Variants in ATE1 observed in about 807,000 individuals in gnomAD.
ATE1 encodes the protein arginyltransferase 1.
ATE1 carries 36 observed loss-of-function variants against 70.5 expected under a neutral mutation model. That is an observed-to-expected ratio of 0.51 (90% CI 0.39 to 0.67). The LOEUF (loss-of-function observed/expected upper bound fraction) is 0.67, where lower values mean the gene tolerates loss of function less well. Ranked by LOEUF, ATE1 falls within the 30% of genes least tolerant of loss-of-function variation. ATE1 has a pLI of 0.00. For synonymous variants in ATE1, 232 were observed against 219.3 expected (o/e 1.06, Z -0.51); for missense variants, 593 against 629.5 (o/e 0.94, Z 0.62).
intron 7 of ATE1, among the ~76,000 whole-genome samples, chr10:121,885,178 T>C (rs1281689486): frequency 6.7e-6 from 1 of 148,726 alleles, no homozygotes; most frequent in Non-Finnish European, 1.5e-5. Context: ...CAAGAATTGC[T>C]TGAACCTGGG....
In ATE1 at chr10:121,819,207, C is replaced by T. The variant is rs190298792; in HGVS notation, c.1257+17511G>A. 7.2e-5 allele frequency among the ~76,000 whole-genome samples: 11 copies of T among 152,238 alleles called. No homozygotes were observed. The East Asian group carries it at 1.5e-3, about 21-fold the overall frequency. On this transcript the variant is annotated intron_variant, in intron 10 of 11. Transcript: ENST00000224652. ...GGATAAGAATGTGATCATAAATCAA[C>T]GAATATCATTCTCTTGGAATGGAAT...
chr10:121,794,635 G>A (rs1236965593), intron 10 of ATE1, among the ~76,000 whole-genome samples: 25 of 79,252 alleles, frequency 3.2e-4, no homozygotes, highest in Non-Finnish European at 4.8e-4. Context: ...AAAAAAAAAG[G>A]AGAAGAGAAT....
chr10:121,863,849 A>T (rs1247825954), intron 8 of ATE1, among the ~76,000 whole-genome samples: 1 of 152,080 alleles, frequency 6.6e-6, no homozygotes, highest in African/African-American at 2.4e-5. Context: ...CCTGGGTTCA[A>T]CTGATCCTCC....
intron 8 of ATE1, among the ~76,000 whole-genome samples, chr10:121,861,699 C>G (rs904021500): frequency 1.4e-5 from 2 of 147,702 alleles, no homozygotes; most frequent in Non-Finnish European, 3.0e-5. Flanking sequence ...TGTATACATA[C>G]GTAACTAACC....
intron 7 of ATE1, among the ~76,000 whole-genome samples, chr10:121,871,183 G>A (rs1027615496): frequency 6.6e-6 from 1 of 152,212 alleles, no homozygotes; most frequent in Non-Finnish European, 1.5e-5. Context: ...AGCTGGGCGT[G>A]GTGGCTCACG....
intron 1 of ATE1, among the ~76,000 whole-genome samples, chr10:121,925,214 A>C (rs920056465): frequency 6.0e-4 from 91 of 152,306 alleles, no homozygotes; most frequent in African/African-American, 1.9e-3. Flanking sequence ...TGAGGTCAGG[A>C]GTTTGAGACC....
Position 121,915,411 on chromosome 10 carries a change from A to G in ATE1, c.234-1518T>C, listed in dbSNP as rs1461295685. 2.6e-5 allele frequency among the ~76,000 whole-genome samples: 4 copies of G among 152,162 alleles called. No homozygotes were observed. The East Asian group carries it at 7.7e-4, about 29-fold the overall frequency. On this transcript the variant is annotated intron_variant, in intron 3 of 11. Coordinates refer to ENST00000224652, the MANE Select transcript of ATE1 (RefSeq NM_001001976.3). ...AGTTTAAAAGGTCCAAAATCTAAAT[A>G]AAGGCATTAAAAAAGAAAATGGAGG...
chr10:121,913,659 C>T (rs2134465366), intron 4 of ATE1, 131 bp downstream of exon 4: 1 of 547,614 alleles, frequency 1.8e-6, no homozygotes, highest in African/African-American at 1.9e-5. Flanking sequence ...GCAGTGCTAA[C>T]AGTAGTCGCT....
chr10:121,872,030 A>G (rs1949879220), intron 7 of ATE1, among the ~76,000 whole-genome samples: 1 of 152,196 alleles, frequency 6.6e-6, no homozygotes, highest in Non-Finnish European at 1.5e-5. Flanking sequence ...AACAGTGGAG[A>G]AAAATGAGGC....
chr10:121,788,292 C>T lies in ATE1; in HGVS notation c.1378+1877G>A, dbSNP rs11200154. 0.022 allele frequency among the ~76,000 whole-genome samples: 3,291 copies of T among 152,216 alleles called. 187 individuals carry two copies. The East Asian group carries it at 0.25, about 12-fold the overall frequency. On this transcript the variant is annotated intron_variant, in intron 11 of 11. Coordinates refer to ENST00000224652, the MANE Select transcript of ATE1 (RefSeq NM_001001976.3). ...AGGTGTAACTTTACTCAGAATGAAA[C>T]GATCAGACGCTGGCTAATAATTTCA...
intron 10 of ATE1, among the ~76,000 whole-genome samples, chr10:121,825,824 T>C (rs1255195824): frequency 6.6e-6 from 1 of 152,156 alleles, no homozygotes; most frequent in Non-Finnish European, 1.5e-5. Context: ...CAATTCCACT[T>C]ACGGGTATAC....
chr10:121,760,625 T>C (rs1945001023), intron 11 of ATE1, among the ~76,000 whole-genome samples: 1 of 152,194 alleles, frequency 6.6e-6, no homozygotes, highest in African/African-American at 2.4e-5. Context: ...AAGAAAGTGA[T>C]TGCTTGAGAC....
chr10:121,808,839 T>C (rs570802095), intron 10 of ATE1, among the ~76,000 whole-genome samples: 15 of 152,316 alleles, frequency 9.8e-5, no homozygotes, highest in African/African-American at 3.1e-4. Flanking sequence ...ACTAGCAGTT[T>C]CCACAAGTAA....
Position 121,798,326 on chromosome 10 carries a change from C to T in ATE1, c.1258-8037G>A, listed in dbSNP as rs181787781. The stretch of plus-strand genomic sequence containing the variant: ...ACTCAAGAAGGTTAGAAACTACTGG[C>T]TCATGTCAATTTAAAGTTTTTTTGA... On this transcript the variant is annotated intron_variant, in intron 10 of 11. Transcript: ENST00000224652. Among the ~76,000 whole-genome samples, 746 of 152,272 alleles carry T rather than the reference C, an allele frequency of 4.9e-3. 3 individuals are homozygous for T. The highest frequency in any genetic ancestry group is 8.1e-3 in the Non-Finnish European group (554 of 68,028).
At chr10:121,801,995 G>C (rs1389048269) in intron 10 of ATE1, among the ~76,000 whole-genome samples, 1 of 151,254 alleles carries the variant, frequency 6.6e-6, no homozygotes, top group Non-Finnish European at 1.5e-5. Flanking sequence ...ATTACAATGA[G>C]ATAAATCACT....
At chr10:121,885,376 T>C (rs1005200457) in intron 7 of ATE1, among the ~76,000 whole-genome samples, 5 of 149,244 alleles carry the variant, frequency 3.4e-5, no homozygotes, top group Admixed American at 2.0e-4. Flanking sequence ...GAGACCATCC[T>C]GGCTAACACG....
At chr10:121,776,174 A>C (rs971039972) in intron 11 of ATE1, among the ~76,000 whole-genome samples, 1 of 152,218 alleles carries the variant, frequency 6.6e-6, no homozygotes, top group African/African-American at 2.4e-5. Context: ...TGTGTTAGGA[A>C]CATTCCAATT....
At chr10:121,882,886 G>C (rs183071517) in intron 7 of ATE1, among the ~76,000 whole-genome samples, 1 of 152,070 alleles carries the variant, frequency 6.6e-6, no homozygotes, top group Admixed American at 6.6e-5. Flanking sequence ...CAAATTAATT[G>C]TAATAATTAT....
intron 5 of ATE1, among the ~76,000 whole-genome samples, chr10:121,905,104 G>T (rs986225649): frequency 6.6e-6 from 1 of 152,124 alleles, no homozygotes; most frequent in African/African-American, 2.4e-5. Flanking sequence ...CTGTCACTTG[G>T]CTAGCTGACC....
Sources: gnomAD v4.1 joint callset for allele counts (sites outside exome capture counted in the v4.1 genomes callset) on GRCh38, gnomAD v4.1.1 for gene constraint, MANE v1.5 for transcripts, NCBI Gene and HGNC (gene_info 2026-07-23, HGNC 2026-07-21) for gene names.